CASK: variants seen among roughly 807,000 people sequenced by gnomAD.
CASK encodes calcium/calmodulin dependent serine protein kinase, also known as peripheral plasma membrane protein CASK.
Under a neutral mutation model 82.9 loss-of-function variants are expected in CASK, and 4 were observed. That is an observed-to-expected ratio of 0.05 (90% CI 0.02 to 0.11). The LOEUF is 0.11. CASK is among the 10% of genes least tolerant of loss of function. The probability of loss-of-function intolerance (pLI) is 1.00; values close to 1 mark genes in which losing one functional copy is unlikely to be tolerated. For missense variants in CASK, 358 were observed against 720.9 expected (o/e 0.50, Z 5.76); for synonymous variants, 259 against 253.5 (o/e 1.02, Z -0.20).
At chrX:41,668,631 T>C (rs1011510988) in intron 6 of CASK, among the ~76,000 whole-genome samples, 3 of 112,139 alleles carry the variant, frequency 2.7e-5, no homozygotes, top group Non-Finnish European at 3.8e-5. Flanking sequence ...ATGCAACATA[T>C]AAAGAAATGA....
intron 8 of CASK, 47 bp from the exon 9 acceptor site, chrX:41,636,708 T>G (rs1331270592): frequency 7.6e-6 from 6 of 793,966 alleles, no homozygotes; most frequent in Non-Finnish European, 9.6e-6. Context: ...TTTAAAAAAG[T>G]GCAGAAGCTT....
At chrX:41,876,859 T>C (rs2071834267) in intron 1 of CASK, among the ~76,000 whole-genome samples, 1 of 111,880 alleles carries the variant, frequency 8.9e-6, no homozygotes, top group Admixed American at 9.5e-5. Flanking sequence ...GAAATAATTC[T>C]ACAGTAATGT....
chrX:41,603,443 C>T (rs1397293890), intron 12 of CASK, among the ~76,000 whole-genome samples: 1 of 111,683 alleles, frequency 9.0e-6, no homozygotes, highest in Non-Finnish European at 1.9e-5. Flanking sequence ...TGGAAAAATG[C>T]TAACTCTCCC....
At chrX:41,902,582 A>G (rs1437191280) in intron 1 of CASK, among the ~76,000 whole-genome samples, 2 of 112,263 alleles carry the variant, frequency 1.8e-5, no homozygotes, top group African/African-American at 6.5e-5. Flanking sequence ...TCCTTTTACC[A>G]TGTAAAGTAA....
intron 5 of CASK, among the ~76,000 whole-genome samples, chrX:41,738,782 C>G (rs1248360250): frequency 9.0e-6 from 1 of 111,264 alleles, no homozygotes; most frequent in Non-Finnish European, 1.9e-5. Flanking sequence ...GCCTACTGGT[C>G]TCATTTCTTG....
At chrX:41,682,095 G>C (rs2067366812) in intron 5 of CASK, among the ~76,000 whole-genome samples, 1 of 103,472 alleles carries the variant, frequency 9.7e-6, no homozygotes, top group African/African-American at 3.5e-5. Context: ...AATTCATGAA[G>C]CTACTCCTGC....
chrX:41,691,663 C>T (rs1274476796), intron 5 of CASK, among the ~76,000 whole-genome samples: 1 of 108,018 alleles, frequency 9.3e-6, no homozygotes, highest in Non-Finnish European at 1.9e-5. Flanking sequence ...TCAAGACCAG[C>T]CTGGCCAACA....
chrX:41,880,642 A>AAT (rs2071933947), intron 1 of CASK, among the ~76,000 whole-genome samples: 1 of 112,123 alleles, frequency 8.9e-6, no homozygotes, highest in South Asian at 3.7e-4. Flanking sequence ...CACATGCAGT[A>AAT]ATATGTATTT....
At chrX:41,524,303 G>A (rs2064680846) in intron 25 of CASK, 1 of 329,500 alleles carries the variant, frequency 3.0e-6, no homozygotes, top group South Asian at 4.9e-5. Flanking sequence ...CTTCATAAAA[G>A]TTAACACTGA....
At chrX:41,527,327 C>A in intron 25 of CASK, among the ~76,000 whole-genome samples, 1 of 110,295 alleles carries the variant, frequency 9.1e-6, no homozygotes, top group Admixed American at 9.6e-5. Context: ...AGAGCACGCT[C>A]TAGAAAGATC....
chrX:41,901,422 G>A (rs1226177252), intron 1 of CASK, among the ~76,000 whole-genome samples: 1 of 109,600 alleles, frequency 9.1e-6, no homozygotes, highest in African/African-American at 3.3e-5. Flanking sequence ...GAGAGGTCAA[G>A]GCTGCAGTGA....
At chrX:41,909,228 A>T (rs1157874936) in intron 1 of CASK, among the ~76,000 whole-genome samples, 2 of 112,166 alleles carry the variant, frequency 1.8e-5, no homozygotes, top group Non-Finnish European at 1.9e-5. Context: ...TTTGAAAACC[A>T]CTGATCTAAA....
At position 41,522,671 on chromosome X, in the gene CASK, G is replaced by T. The variant is rs1181976575; in HGVS notation, c.2604+1280C>A. On this transcript the variant is annotated intron_variant, in intron 26 of 26. Coordinates refer to ENST00000378163, the MANE Select transcript of CASK (RefSeq NM_001367721.1). ...CTGAGCTTCAAAAACCACTAGCAGG[G>T]TTTATGATTTGCTCAGCAAGCTGGG... Among the ~76,000 whole-genome samples the T allele has an allele frequency of 3.6e-5, 4 of 112,172 alleles. No individual in the cohort carries two copies. The Admixed American group carries it at 3.8e-4, about 11-fold the overall frequency.
At chrX:41,869,683 C>G (rs1376296919) in intron 1 of CASK, among the ~76,000 whole-genome samples, 2 of 105,618 alleles carry the variant, frequency 1.9e-5, no homozygotes, top group Admixed American at 1.0e-4. Context: ...TGCAGTGGCG[C>G]GCGCCTGTAC....
At chrX:41,561,424 T>C in intron 17 of CASK, 135 bp downstream of exon 17, 1 of 504,377 alleles carries the variant, frequency 2.0e-6, no homozygotes, top group East Asian at 3.7e-5. Context: ...ATGAATGTTA[T>C]ATAAGTTCAA....
At chrX:41,837,238 A>C (rs1436574986) in intron 2 of CASK, among the ~76,000 whole-genome samples, 2 of 112,221 alleles carry the variant, frequency 1.8e-5, no homozygotes, top group African/African-American at 6.5e-5. Context: ...ATTTTCCCCC[A>C]TAGTAGCATA....
chrX:41,559,943 T>A, intron 17 of CASK, 96 bp from the exon 18 acceptor site: 1 of 685,764 alleles, frequency 1.5e-6, no homozygotes, highest in Non-Finnish European at 2.3e-6. Context: ...TGGGGGCAAT[T>A]AGCACAAGCC....
At chrX:41,620,144 C>A (rs1286477719) in intron 11 of CASK, among the ~76,000 whole-genome samples, 1 of 111,586 alleles carries the variant, frequency 9.0e-6, no homozygotes, top group Non-Finnish European at 1.9e-5. Context: ...ATAGTACAAA[C>A]TTTATTCATA....
intron 10 of CASK, among the ~76,000 whole-genome samples, 156 bp downstream of exon 10, chrX:41,626,448 A>C (rs1162193078): frequency 8.9e-6 from 1 of 112,618 alleles, no homozygotes; most frequent in African/African-American, 3.2e-5. Flanking sequence ...GAAAAGGAAC[A>C]AGACACATGT....
Sources: allele counts gnomAD v4.1 joint callset (sites outside exome capture counted in the v4.1 genomes callset), GRCh38; gene constraint gnomAD v4.1.1; transcripts MANE v1.5; gene names NCBI Gene and HGNC (gene_info 2026-07-23, HGNC 2026-07-21).